Variants in GRM5 observed in about 807,000 individuals in gnomAD.
GRM5 encodes the protein glutamate metabotropic receptor 5.
In GRM5, 19 loss-of-function variants were observed where a neutral mutation model predicts 83.1. That is an observed-to-expected ratio of 0.23 (90% CI 0.16 to 0.34). The LOEUF (loss-of-function observed/expected upper bound fraction) is 0.34. Ranked by LOEUF, GRM5 falls within the 10% of genes least tolerant of loss-of-function variation. The pLI, the probability that GRM5 is intolerant of heterozygous loss-of-function variation, is 1.00. For synonymous variants in GRM5, 675 were observed against 633.6 expected, an observed-to-expected ratio of 1.07 and a Z score of -0.98; for missense variants, 1,160 against 1,588.3, an observed-to-expected ratio of 0.73 and a Z score of 4.58.
chr11:88,832,676 C>A lies in GRM5; in HGVS notation c.911+17230G>T, dbSNP rs1944017121. ...AAACCAAAGCAATCCTAAGTAATAA[C>A]AACAAAGCTGGAGACATCACACTAC... is the stretch of plus-strand genomic sequence containing the variant. On this transcript the variant is annotated intron_variant, in intron 3 of 9. Transcript: ENST00000305447. Among the ~76,000 whole-genome samples, 4 of 151,788 alleles carry A rather than the reference C, an allele frequency of 2.6e-5. No individual in the cohort carries two copies. The South Asian group carries it at 8.3e-4, about 32-fold the overall frequency.
At chr11:89,009,263 G>A (rs532037932) in intron 2 of GRM5, among the ~76,000 whole-genome samples, 1 of 152,210 alleles carries the variant, frequency 6.6e-6, no homozygotes, top group Non-Finnish European at 1.5e-5. Flanking sequence ...ATTACACAGA[G>A]TTTATTCATA....
At chr11:88,572,911 A>G (rs959233286) in intron 7 of GRM5, among the ~76,000 whole-genome samples, 1 of 152,160 alleles carries the variant, frequency 6.6e-6, no homozygotes, top group African/African-American at 2.4e-5. Flanking sequence ...TATATTTTAA[A>G]TTAAATAATC....
chr11:88,632,931 T>C (rs948401948), intron 4 of GRM5, among the ~76,000 whole-genome samples: 8 of 152,216 alleles, frequency 5.3e-5, no homozygotes, highest in Non-Finnish European at 8.8e-5. Flanking sequence ...TTCCTAATGA[T>C]TAATCATATT....
chr11:89,006,799 CTTTGT>C (rs924347692), intron 2 of GRM5, among the ~76,000 whole-genome samples: 3 of 151,768 alleles, frequency 2.0e-5, no homozygotes, highest in African/African-American at 4.8e-5. Context: ...TTTTGTTTTG[CTTTGT>C]TTTGTTTTGT....
At chr11:88,800,703 C>T (rs911702681) in intron 3 of GRM5, among the ~76,000 whole-genome samples, 15 of 152,184 alleles carry the variant, frequency 9.9e-5, no homozygotes, top group African/African-American at 3.4e-4. Flanking sequence ...ATAGGTGACA[C>T]CTGGATTTAA....
intron 3 of GRM5, among the ~76,000 whole-genome samples, chr11:88,732,472 G>A (rs1328432683): frequency 6.6e-6 from 1 of 152,040 alleles, no homozygotes; most frequent in Non-Finnish European, 1.5e-5. Context: ...CACACACTGT[G>A]CTGGGCACGA....
chr11:88,761,250 G>A (rs1240066263), intron 3 of GRM5, among the ~76,000 whole-genome samples: 1 of 152,092 alleles, frequency 6.6e-6, no homozygotes, highest in Non-Finnish European at 1.5e-5. Context: ...AGGAAGAGAG[G>A]AAGTCAAACT....
chr11:89,027,701 C>T (rs528571227), intron 2 of GRM5, among the ~76,000 whole-genome samples: 135 of 152,278 alleles, frequency 8.9e-4, no homozygotes, highest in Non-Finnish European at 9.0e-4. Context: ...TTCATTAGGA[C>T]ATGTGAACGT....
chr11:88,553,269 G>A (rs10128616), intron 8 of GRM5, among the ~76,000 whole-genome samples: 2 of 152,062 alleles, frequency 1.3e-5, no homozygotes, highest in East Asian at 1.9e-4. Context: ...CTGGCAGGCC[G>A]TAGCTCTGTG....
chr11:89,027,947 A>AT (rs1313875886), intron 2 of GRM5, among the ~76,000 whole-genome samples: 1 of 152,162 alleles, frequency 6.6e-6, no homozygotes, highest in Non-Finnish European at 1.5e-5. Context: ...AATTAATGCC[A>AT]TTTTAAAAAA....
At chr11:88,853,743 GGA>G (rs1051066609) in intron 2 of GRM5, among the ~76,000 whole-genome samples, 3 of 151,440 alleles carry the variant, frequency 2.0e-5, no homozygotes, top group Non-Finnish European at 4.4e-5. Flanking sequence ...GTCATTGAAA[GGA>G]GAGAGTTGAT....
At chr11:89,031,370 TA>T (rs1199604005) in intron 2 of GRM5, among the ~76,000 whole-genome samples, 2 of 151,990 alleles carry the variant, frequency 1.3e-5, no homozygotes, top group Non-Finnish European at 2.9e-5. Context: ...TTTTTGTTGT[TA>T]TTAAGTTAAT....
At chr11:88,803,344 A>T (rs1317283147) in intron 3 of GRM5, among the ~76,000 whole-genome samples, 1 of 152,024 alleles carries the variant, frequency 6.6e-6, no homozygotes, top group South Asian at 2.1e-4. Context: ...AGAGATATAG[A>T]TCAATGGAAC....
chr11:88,941,274 C>G (rs1384969053), intron 2 of GRM5, among the ~76,000 whole-genome samples: 2 of 150,872 alleles, frequency 1.3e-5, no homozygotes, highest in Non-Finnish European at 3.0e-5. Context: ...AAAGGCGACC[C>G]CATTAACAAA....
intron 3 of GRM5, among the ~76,000 whole-genome samples, chr11:88,668,949 T>A (rs1303329907): frequency 6.6e-6 from 1 of 152,162 alleles, no homozygotes; most frequent in East Asian, 1.9e-4. Flanking sequence ...AGCATAATGT[T>A]CTCACAGTTT....
intron 7 of GRM5, among the ~76,000 whole-genome samples, chr11:88,571,628 T>C (rs1943003569): frequency 6.6e-6 from 1 of 152,206 alleles, no homozygotes; most frequent in Admixed American, 6.5e-5. Context: ...GGAATCTTTA[T>C]TTTGAATAAG....
At chr11:88,719,185 A>G (rs2135392668) in intron 3 of GRM5, among the ~76,000 whole-genome samples, 1 of 151,898 alleles carries the variant, frequency 6.6e-6, no homozygotes, top group East Asian at 1.9e-4. Context: ...CCTGATACCC[A>G]TTAGTTATTT....
chr11:88,981,923 C>T (rs1177436885), intron 2 of GRM5, among the ~76,000 whole-genome samples: 1 of 152,184 alleles, frequency 6.6e-6, no homozygotes, highest in Admixed American at 6.5e-5. Flanking sequence ...TGAGCTGTAT[C>T]TTAATATTGA....
intron 4 of GRM5, among the ~76,000 whole-genome samples, chr11:88,633,267 TAC>T (rs1939029500): frequency 6.6e-6 from 1 of 152,222 alleles, no homozygotes; most frequent in South Asian, 2.1e-4. Flanking sequence ...ATTTCTCATC[TAC>T]CCCAATTATA....
Sources: allele counts gnomAD v4.1 joint callset (sites outside exome capture counted in the v4.1 genomes callset), GRCh38; gene constraint gnomAD v4.1.1; transcripts MANE v1.5; gene names NCBI Gene and HGNC (gene_info 2026-07-23, HGNC 2026-07-21).